SACS: variants seen among roughly 807,000 people sequenced by gnomAD.
SACS encodes the protein sacsin.
In SACS, 197 loss-of-function variants were observed where a neutral mutation model predicts 348.0. The ratio of observed to expected loss-of-function variants is 0.57; its 90% CI spans 0.50 to 0.64. The LOEUF (loss-of-function observed/expected upper bound fraction) is 0.64. Among genes scored for constraint, SACS ranks in the 30% least tolerant of loss-of-function variants. The probability of loss-of-function intolerance (pLI) is 0.00; values close to 1 mark genes in which losing one functional copy is unlikely to be tolerated. For synonymous variants in SACS, 1,985 were observed against 1,910.6 expected (o/e 1.04, Z -1.02); for missense variants, 4,999 against 5,360.8 (o/e 0.93, Z 2.11).
At chr13:23,389,703 C>T (rs2137892896) in intron 2 of SACS, among the ~76,000 whole-genome samples, 1 of 152,348 alleles carries the variant, frequency 6.6e-6, no homozygotes, top group East Asian at 1.9e-4. Flanking sequence ...TTGAAGGACA[C>T]ATTTGCTTCC....
intron 5 of SACS, among the ~76,000 whole-genome samples, chr13:23,367,680 T>C (rs573016918): frequency 6.6e-6 from 1 of 152,278 alleles, no homozygotes; most frequent in South Asian, 2.1e-4. Flanking sequence ...CTGCAATCTC[T>C]GCCTCCGGGT....
intron 2 of SACS, among the ~76,000 whole-genome samples, chr13:23,405,730 G>A (rs567107363): frequency 6.6e-6 from 1 of 150,406 alleles, no homozygotes; most frequent in East Asian, 1.9e-4. Context: ...AGTGGACAAA[G>A]GATATGAACA....
intron 9 of SACS, 52 bp from the exon 10 acceptor site, chr13:23,341,742 G>T (rs1869252766): frequency 9.0e-7 from 1 of 1,114,366 alleles, no homozygotes; most frequent in South Asian, 1.2e-5. Flanking sequence ...TACTACAACA[G>T]CTTTCTATTC....
chr13:23,330,550 G>A lies in SACS; in HGVS notation c.13326C>T (p.Gly4442=). 1 of 1,614,046 alleles carries A rather than the reference G, an allele frequency of 6.2e-7. No homozygotes were observed. Among genetic ancestry groups the A allele is most frequent in the Non-Finnish European group, 8.5e-7 (1 of 1,179,958 alleles). ...FFVPPTFKSV[G]NPVEARRWLR... ...GCCATCTGCGTGCTTCCACTGGATT[G>A]CCAACCGACTTGAAAGTGGGAGGAA... The change falls in exon 10 of 10, where the codon GGC becomes GGT. Residue 4442 remains glycine (G), a synonymous_variant. Transcript: ENST00000382292.
chr13:23,423,945 C>T (rs116306034), intron 1 of SACS, among the ~76,000 whole-genome samples: 2 of 152,178 alleles, frequency 1.3e-5, no homozygotes, highest in East Asian at 1.9e-4. Flanking sequence ...TATGAATATA[C>T]GAGTATCCAT....
chr13:23,419,576 G>A (rs978071000), intron 1 of SACS, among the ~76,000 whole-genome samples: 6 of 152,118 alleles, frequency 3.9e-5, no homozygotes, highest in Non-Finnish European at 8.8e-5. Flanking sequence ...CTTGGTGTGC[G>A]TGGTTGCCTT....
chr13:23,399,625 G>A (rs1046234279), intron 2 of SACS, among the ~76,000 whole-genome samples: 6 of 152,092 alleles, frequency 3.9e-5, no homozygotes, highest in Admixed American at 3.3e-4. Context: ...GACTAACCAC[G>A]TTAGGGATGA....
intron 2 of SACS, among the ~76,000 whole-genome samples, chr13:23,393,110 G>A (rs1036342395): frequency 2.6e-5 from 4 of 152,118 alleles, no homozygotes; most frequent in Admixed American, 2.0e-4. Context: ...GCCACGGCAG[G>A]GCCCCTGGAC....
At position 23,388,333 on chromosome 13, in the gene SACS, CA is replaced by C. The variant is rs370915261; in HGVS notation, c.21-13065del. Among the ~76,000 whole-genome samples the C allele has an allele frequency of 5.7e-3, 409 of 71,298 alleles. 4 individuals carry two copies. The highest frequency in any genetic ancestry group is 0.039 in the East Asian group (84 of 2,180). The allele number at this position is 71,298 out of a possible 152,430, so 46.8% of individuals were successfully genotyped here. A position where few individuals can be genotyped will look rare whatever the true frequency, so the allele number is the denominator to read the frequency against. On this transcript the variant is annotated intron_variant, in intron 2 of 9. Transcript: ENST00000382292. The stretch of plus-strand genomic sequence containing the variant: ...TGGGTGACAGAGCGAGACTTTGTCT[CA>C]AAAAAAAAAAAAAAAGAAAAAACAA...
Position 23,339,211 on chromosome 13 carries a change from T to C in SACS, c.4665A>G (p.Lys1555=). 6.2e-7 allele frequency: 1 copy of C among 1,611,384 alleles called. No homozygotes were observed. Among genetic ancestry groups the C allele is most frequent in the South Asian group, 1.1e-5 (1 of 90,310 alleles). The change falls in exon 10 of 10, where the codon AAA becomes AAG. Residue 1555 remains lysine, a synonymous_variant. Coordinates refer to ENST00000382292, the MANE Select transcript of SACS (RefSeq NM_014363.6). ...ACACAGAATTAAATCCAAGACCAAA[T>C]TTTCCAACTTTGTCAACTTCTCCCC... The part of the protein sequence containing the change: ...LKRGEVDKVG[K]FGLGFNSVYH...
At chr13:23,389,084 TTGTA>T (rs1159427280) in intron 2 of SACS, among the ~76,000 whole-genome samples, 3 of 152,146 alleles carry the variant, frequency 2.0e-5, no homozygotes, top group African/African-American at 4.8e-5. Flanking sequence ...AAATGGAAAC[TTGTA>T]TGTGTCAATT....
chr13:23,330,532 G>A lies in SACS; in HGVS notation c.13344C>T (p.Arg4448=), dbSNP rs200157359. ...TTGCTCTGGCTTGTCTTAGCCATCT[G>A]CGTGCTTCCACTGGATTGCCAACCG... ...FKSVGNPVEA[R]RWLRQARANF... is the part of the protein sequence containing the mutation. Residue 4448 remains arginine (R), a synonymous_variant, in exon 10 of 10, where the codon CGC becomes CGT. Transcript: ENST00000382292. The A allele has an allele frequency of 2.5e-4, 400 of 1,614,120 alleles. 1 individual carries two copies. Among genetic ancestry groups the A allele is most frequent in the Non-Finnish European group, 2.2e-5 (26 of 1,180,006 alleles).
At chr13:23,352,256 G>A (rs1271929938) in intron 9 of SACS, among the ~76,000 whole-genome samples, 3 of 152,178 alleles carry the variant, frequency 2.0e-5, no homozygotes, top group Non-Finnish European at 4.4e-5. Context: ...GTAAAATACC[G>A]TAACAATCAG....
intron 2 of SACS, among the ~76,000 whole-genome samples, chr13:23,385,119 G>C (rs962973016): frequency 2.0e-5 from 3 of 149,946 alleles, no homozygotes; most frequent in African/African-American, 7.4e-5. Context: ...TACAGCCTGG[G>C]CGACAGAGGG....
chr13:23,417,028 G>A (rs886527708), intron 1 of SACS, among the ~76,000 whole-genome samples: 1 of 152,056 alleles, frequency 6.6e-6, no homozygotes, highest in Non-Finnish European at 1.5e-5. Context: ...ACTGATATAA[G>A]TTAAATTGCA....
intron 2 of SACS, among the ~76,000 whole-genome samples, chr13:23,406,365 C>A (rs943343658): frequency 1.3e-5 from 2 of 150,882 alleles, no homozygotes; most frequent in African/African-American, 2.4e-5. Context: ...AAACACCACA[C>A]ACCAGGGCCT....
In SACS at chr13:23,339,052, C is replaced by T; in HGVS notation, c.4824G>A (p.Gln1608=). ...PGIKINWSKQ[Q]KRLRKFPNQF... ...GATTAGGAAATTTTCTAAGTCTTTT[C>T]TGTTGTTTACTCCAATTAATTTTGA... Residue 1608 remains glutamine (Q), a synonymous_variant, in exon 10 of 10, where the codon CAG becomes CAA. Coordinates refer to ENST00000382292, the MANE Select transcript of SACS (RefSeq NM_014363.6). 6.2e-7 allele frequency: 1 copy of T among 1,613,154 alleles called. No homozygotes were observed. The highest frequency in any genetic ancestry group is 1.7e-5 in the Admixed American group (1 of 59,910).
chr13:23,380,239 T>C (rs1289823345), intron 2 of SACS, among the ~76,000 whole-genome samples: 1 of 152,038 alleles, frequency 6.6e-6, no homozygotes, highest in Non-Finnish European at 1.5e-5. Flanking sequence ...TGATGCTGAC[T>C]GGGCAGCTGT....
chr13:23,404,507 C>G (rs1055074275), intron 2 of SACS, among the ~76,000 whole-genome samples: 1 of 152,042 alleles, frequency 6.6e-6, no homozygotes, highest in Non-Finnish European at 1.5e-5. Flanking sequence ...CTTTGAAAAC[C>G]GGCACAAGAC....
Sources: gnomAD v4.1 joint callset for allele counts (sites outside exome capture counted in the v4.1 genomes callset) on GRCh38, gnomAD v4.1.1 for gene constraint, MANE v1.5 for transcripts, NCBI Gene and HGNC (gene_info 2026-07-23, HGNC 2026-07-21) for gene names.